Variants in BTAF1 observed in about 807,000 individuals in gnomAD.
BTAF1 encodes B-TFIID TATA-box binding protein associated factor 1, also known as TATA-binding protein-associated factor 172.
Under a neutral mutation model 227.1 loss-of-function variants are expected in BTAF1, and 38 were observed. That is an observed-to-expected ratio of 0.17 (90% CI 0.13 to 0.22). The LOEUF (loss-of-function observed/expected upper bound fraction) is 0.22. Among genes scored for constraint, BTAF1 ranks in the 10% least tolerant of loss-of-function variants. The pLI is 1.00. For synonymous variants in BTAF1, 742 were observed against 751.9 expected (o/e 0.99, Z 0.21); for missense variants, 1,598 against 2,204.0 (o/e 0.73, Z 5.51).
intron 14 of BTAF1, among the ~76,000 whole-genome samples, chr10:91,970,225 G>A (rs1308279339): frequency 1.3e-5 from 2 of 151,580 alleles, no homozygotes; most frequent in African/African-American, 4.9e-5. Context: ...TGTAATTTGT[G>A]GCATGTTAGC....
chr10:91,981,965 A>G, intron 16 of BTAF1, 118 bp from the exon 17 acceptor site: 1 of 1,381,298 alleles, frequency 7.2e-7, no homozygotes, highest in Non-Finnish European at 9.6e-7. Context: ...TATCCATTAA[A>G]ATTTTGTGAA....
In BTAF1 at chr10:92,027,198, G is replaced by A. The variant is rs1249224057; in HGVS notation, c.5304G>A (p.Gln1768=). The A allele has an allele frequency of 6.2e-7, 1 of 1,613,868 alleles. No homozygotes were observed. The highest frequency in any genetic ancestry group is 8.5e-7 in the Non-Finnish European group (1 of 1,179,940). Reference sequence around the variant, plus strand: ...TGGAAGAAAAAATAATGGGGTTGCAGAAATTCAAGATGAACATAGCGAATA... The same window carrying A: ...TGGAAGAAAAAATAATGGGGTTGCAAAAATTCAAGATGAACATAGCGAATA... ...GTLEEKIMGL[Q]KFKMNIANTV... The change falls in exon 37 of 38, where the codon CAG becomes CAA. Residue 1768 remains glutamine, a synonymous_variant. Coordinates refer to ENST00000265990, the MANE Select transcript of BTAF1 (RefSeq NM_003972.3).
At chr10:91,941,613 C>T (rs1288149898) in intron 3 of BTAF1, among the ~76,000 whole-genome samples, 1 of 152,150 alleles carries the variant, frequency 6.6e-6, no homozygotes, top group Non-Finnish European at 1.5e-5. Flanking sequence ...TGCATAGTTG[C>T]TTTGTGGCTC....
intron 34 of BTAF1, among the ~76,000 whole-genome samples, chr10:92,019,545 A>G (rs1850972028): frequency 6.6e-6 from 1 of 152,242 alleles, no homozygotes; most frequent in African/African-American, 2.4e-5. Context: ...TAGGTAGGTC[A>G]TACAGCATTT....
intron 4 of BTAF1, among the ~76,000 whole-genome samples, chr10:91,945,820 A>C (rs1845324860): frequency 6.6e-6 from 1 of 152,238 alleles, no homozygotes; most frequent in Admixed American, 6.5e-5. Context: ...TGGCTGGATC[A>C]GATGGTCATT....
chr10:91,980,309 CAA>C, intron 14 of BTAF1, 143 bp from the exon 15 acceptor site: 1 of 586,496 alleles, frequency 1.7e-6, no homozygotes, highest in South Asian at 2.4e-5. Context: ...AAAATCTTGT[CAA>C]AGTTTATCAC....
chr10:91,950,761 C>G (rs1469466300), intron 4 of BTAF1, among the ~76,000 whole-genome samples: 2 of 151,696 alleles, frequency 1.3e-5, no homozygotes, highest in Admixed American at 1.3e-4. Context: ...GTTTTTTTAG[C>G]CCAGTGAGAG....
chr10:92,013,003 G>C (rs1296268096), intron 30 of BTAF1, among the ~76,000 whole-genome samples: 20 of 152,104 alleles, frequency 1.3e-4, no homozygotes, highest in Admixed American at 1.2e-3. Context: ...AAGCCATGGT[G>C]GCCCAGAGTC....
At chr10:91,994,792 A>G in intron 23 of BTAF1, 148 bp downstream of exon 23, 2 of 622,102 alleles carry the variant, frequency 3.2e-6, no homozygotes, top group Non-Finnish European at 5.5e-6. Flanking sequence ...CTCCTTTACT[A>G]ACAGTGCAAC....
chr10:91,995,263 T>C (rs1399670012), intron 23 of BTAF1, among the ~76,000 whole-genome samples: 2 of 152,228 alleles, frequency 1.3e-5, no homozygotes, highest in Non-Finnish European at 2.9e-5. Context: ...AGTTCTCTAT[T>C]GTTATTTAAC....
intron 30 of BTAF1, among the ~76,000 whole-genome samples, chr10:92,012,681 G>C (rs1850453269): frequency 7.2e-6 from 1 of 139,236 alleles, no homozygotes; most frequent in Admixed American, 7.8e-5. Flanking sequence ...TGAGGCAAGA[G>C]AATCACTTGA....
At chr10:91,990,950 AAT>A (rs1271385166) in intron 20 of BTAF1, among the ~76,000 whole-genome samples, 1 of 151,520 alleles carries the variant, frequency 6.6e-6, no homozygotes, top group African/African-American at 2.4e-5. Flanking sequence ...CTACTAAAAA[AAT>A]ATATAAAAAT....
At chr10:92,006,772 A>G (rs1849918377) in intron 25 of BTAF1, among the ~76,000 whole-genome samples, 1 of 152,238 alleles carries the variant, frequency 6.6e-6, no homozygotes, top group Non-Finnish European at 1.5e-5. Context: ...CGGAATACCC[A>G]CAGTTTATCA....
intron 2 of BTAF1, among the ~76,000 whole-genome samples, chr10:91,938,300 C>A (rs1160815476): frequency 2.0e-5 from 3 of 152,152 alleles, no homozygotes; most frequent in African/African-American, 7.2e-5. Flanking sequence ...TTGAACATCA[C>A]TTCTGCTTTT....
intron 3 of BTAF1, among the ~76,000 whole-genome samples, chr10:91,941,556 C>T (rs1845000013): frequency 6.6e-6 from 1 of 152,100 alleles, no homozygotes; most frequent in South Asian, 2.1e-4. Context: ...AGCAAGTTAC[C>T]AGGAGATTCT....
chr10:91,996,903 T>C (rs527500549), intron 24 of BTAF1, among the ~76,000 whole-genome samples: 3 of 152,182 alleles, frequency 2.0e-5, no homozygotes, highest in African/African-American at 4.8e-5. Context: ...CAGTGTCTTA[T>C]TAATCAGGTA....
chr10:91,982,067 T>TC lies in BTAF1; in HGVS notation c.1906-12dup. On this transcript the variant is annotated splice_polypyrimidine_tract_variant and intron_variant, in intron 16 of 37. Transcript: ENST00000265990. ...ATGGTTAATCTTTATTGTTTTTTTT[T>TC]CCCCTCCCTCTGTAGGAAAAAACAG... The TC allele has an allele frequency of 1.9e-6, 3 of 1,598,520 alleles. No homozygotes were observed. Among genetic ancestry groups the TC allele is most frequent in the Middle Eastern group, 1.7e-4 (1 of 5,968 alleles).
chr10:92,018,685 C>A, intron 33 of BTAF1, 98 bp from the exon 34 acceptor site: 1 of 1,152,486 alleles, frequency 8.7e-7, no homozygotes, highest in Non-Finnish European at 1.2e-6. Context: ...GAAAGGCATT[C>A]TAAACAGCAT....
chr10:91,924,308 C>A (rs552269820), intron 1 of BTAF1, among the ~76,000 whole-genome samples: 1 of 152,094 alleles, frequency 6.6e-6, no homozygotes, highest in African/African-American at 2.4e-5. Context: ...TGTTAATAGA[C>A]CCCTTGGCAC....
Sources: allele counts gnomAD v4.1 joint callset (sites outside exome capture counted in the v4.1 genomes callset), GRCh38; gene constraint gnomAD v4.1.1; transcripts MANE v1.5; gene names NCBI Gene and HGNC (gene_info 2026-07-23, HGNC 2026-07-21).